The following CACNA2D3 variants were observed in gnomAD, a reference collection of about 807,000 sequenced individuals.
CACNA2D3 encodes the protein voltage-dependent calcium channel subunit alpha-2/delta-3.
CACNA2D3 carries 60 observed loss-of-function variants against 160.6 expected under a neutral mutation model. The observed-to-expected ratio is 0.37, with a 90% confidence interval of 0.30 to 0.46. CACNA2D3 has a LOEUF of 0.46. Among genes scored for constraint, CACNA2D3 ranks in the 20% least tolerant of loss-of-function variants. CACNA2D3 has a pLI of 1.00. For missense variants in CACNA2D3, 1,205 were observed against 1,365.0 expected, an observed-to-expected ratio of 0.88 and a Z score of 1.85; for synonymous variants, 558 against 492.9, an observed-to-expected ratio of 1.13 and a Z score of -1.75.
At chr3:54,353,492 T>C (rs1698599819) in intron 3 of CACNA2D3, among the ~76,000 whole-genome samples, 1 of 151,994 alleles carries the variant, frequency 6.6e-6, no homozygotes, top group Admixed American at 6.5e-5. Flanking sequence ...ACCCTCCCTG[T>C]ATTTTCCAGG....
At chr3:54,215,819 C>G (rs1443078580) in intron 2 of CACNA2D3, among the ~76,000 whole-genome samples, 1 of 152,074 alleles carries the variant, frequency 6.6e-6, no homozygotes, top group Non-Finnish European at 1.5e-5. Context: ...GGCATTCATG[C>G]CTGGAAACCT....
chr3:54,741,958 A>C (rs1000314684), intron 11 of CACNA2D3, among the ~76,000 whole-genome samples: 4 of 151,936 alleles, frequency 2.6e-5, no homozygotes, highest in Non-Finnish European at 5.9e-5. Context: ...GCTCACTGCA[A>C]CCCTGACTAC....
In CACNA2D3 at chr3:54,819,926, G is replaced by A. The variant is rs929205463; in HGVS notation, c.1398+3056G>A. On this transcript the variant is annotated intron_variant, in intron 14 of 37. Coordinates refer to ENST00000474759, the MANE Select transcript of CACNA2D3 (RefSeq NM_018398.3). ...TGTAGTCAGAAAGAAATGGAGATTG[G>A]TCTTGAAACCCCAACAAAGCAAAAA... is the stretch of plus-strand genomic sequence containing the variant. 3.3e-5 allele frequency among the ~76,000 whole-genome samples: 5 copies of A among 152,088 alleles called. No individual in the cohort carries two copies. The South Asian group carries it at 6.2e-4, about 19-fold the overall frequency.
chr3:54,482,235 A>T (rs1220733596), intron 4 of CACNA2D3, among the ~76,000 whole-genome samples: 1 of 152,150 alleles, frequency 6.6e-6, no homozygotes, highest in Non-Finnish European at 1.5e-5. Flanking sequence ...CTGTAAGTTG[A>T]AATTTTTGTT....
chr3:54,945,970 G>A (rs1273839482), intron 27 of CACNA2D3, among the ~76,000 whole-genome samples: 1 of 152,226 alleles, frequency 6.6e-6, no homozygotes, highest in East Asian at 1.9e-4. Flanking sequence ...CTTCACAAGA[G>A]TTCTTTGCCA....
intron 9 of CACNA2D3, among the ~76,000 whole-genome samples, chr3:54,621,710 C>T (rs1434488859): frequency 6.6e-6 from 1 of 152,170 alleles, no homozygotes; most frequent in Non-Finnish European, 1.5e-5. Context: ...GCACTCGGGT[C>T]CTGGGGTCAG....
At chr3:54,771,506 G>C (rs141480880) in intron 13 of CACNA2D3, among the ~76,000 whole-genome samples, 141 of 152,136 alleles carry the variant, frequency 9.3e-4, no homozygotes, top group Non-Finnish European at 2.2e-4. Context: ...TTCTTTGCCC[G>C]TATAGGACTG....
At chr3:54,959,846 CG>C (rs1159326914) in intron 27 of CACNA2D3, among the ~76,000 whole-genome samples, 1 of 152,018 alleles carries the variant, frequency 6.6e-6, no homozygotes, top group African/African-American at 2.4e-5. Context: ...ATGCTAGCTC[CG>C]GCAGCCTGGG....
chr3:54,472,997 A>G (rs1316692638), intron 4 of CACNA2D3, among the ~76,000 whole-genome samples: 1 of 152,224 alleles, frequency 6.6e-6, no homozygotes, highest in East Asian at 1.9e-4. Context: ...CCATCAAGCT[A>G]CCGTTGACTT....
chr3:54,411,905 C>T (rs1056980443), intron 4 of CACNA2D3, among the ~76,000 whole-genome samples: 1 of 152,110 alleles, frequency 6.6e-6, no homozygotes, highest in Admixed American at 6.5e-5. Context: ...TTTTTTATTT[C>T]ACTTTGTAAA....
chr3:54,226,288 A>G (rs12488409), intron 2 of CACNA2D3, among the ~76,000 whole-genome samples: 17,333 of 147,514 alleles, frequency 0.12, 1,061 homozygotes, highest in Non-Finnish European at 0.13. Context: ...CCTCTCTGCA[A>G]TTCCCCGCCT....
intron 27 of CACNA2D3, among the ~76,000 whole-genome samples, chr3:54,906,198 A>C (rs965039532): frequency 5.9e-5 from 9 of 151,738 alleles, no homozygotes; most frequent in Non-Finnish European, 1.2e-4. Context: ...CAGGAATGAG[A>C]GACAGGAAGG....
chr3:54,569,489 C>T (rs6794883), intron 6 of CACNA2D3, among the ~76,000 whole-genome samples: 38,870 of 152,122 alleles, frequency 0.26, 5,433 homozygotes, highest in Middle Eastern at 0.39. Flanking sequence ...ACTTCGGCTA[C>T]CTTTATCCCT....
chr3:54,544,058 A>G (rs1204155802), intron 5 of CACNA2D3, among the ~76,000 whole-genome samples: 1 of 152,278 alleles, frequency 6.6e-6, no homozygotes, highest in Non-Finnish European at 1.5e-5. Context: ...TTTTCTTTAT[A>G]AATAGGCTTT....
intron 9 of CACNA2D3, among the ~76,000 whole-genome samples, chr3:54,622,433 G>A (rs756995905): frequency 2.6e-5 from 4 of 152,034 alleles, no homozygotes; most frequent in Admixed American, 1.3e-4. Flanking sequence ...CCGCCACCAC[G>A]TCTGGCTAAT....
chr3:54,138,262 A>G (rs1293756607), intron 2 of CACNA2D3, among the ~76,000 whole-genome samples: 1 of 152,218 alleles, frequency 6.6e-6, no homozygotes, highest in South Asian at 2.1e-4. Context: ...GTTGGTTCCA[A>G]GTGTTAGCAC....
chr3:54,257,260 A>G (rs1160603855), intron 2 of CACNA2D3, among the ~76,000 whole-genome samples: 2 of 152,238 alleles, frequency 1.3e-5, no homozygotes, highest in African/African-American at 2.4e-5. Context: ...CCGTCAGCTC[A>G]GAAGGCACCA....
At chr3:54,678,577 C>T (rs1023570386) in intron 11 of CACNA2D3, among the ~76,000 whole-genome samples, 21 of 151,650 alleles carry the variant, frequency 1.4e-4, no homozygotes, top group Middle Eastern at 3.4e-3. Flanking sequence ...AAAAATTAGC[C>T]GGGCATGGTG....
At chr3:54,138,155 G>T (rs1369339309) in intron 2 of CACNA2D3, among the ~76,000 whole-genome samples, 1 of 152,234 alleles carries the variant, frequency 6.6e-6, no homozygotes, top group African/African-American at 2.4e-5. Context: ...GCTAATAAGT[G>T]GTGGCCTCGA....
Sources: gnomAD v4.1 joint callset for allele counts (sites outside exome capture counted in the v4.1 genomes callset) on GRCh38, gnomAD v4.1.1 for gene constraint, MANE v1.5 for transcripts, NCBI Gene and HGNC (gene_info 2026-07-23, HGNC 2026-07-21) for gene names.